The following CAMSAP3 variants were observed in gnomAD, a reference collection of about 807,000 sequenced individuals.
The protein encoded by CAMSAP3 is calmodulin regulated spectrin associated protein family member 3.
In CAMSAP3, 34 loss-of-function variants were observed where a neutral mutation model predicts 112.5. That is an observed-to-expected ratio of 0.30 (90% CI 0.23 to 0.40). The LOEUF (loss-of-function observed/expected upper bound fraction) is 0.40, where lower values mean the gene tolerates loss of function less well. Among genes scored for constraint, CAMSAP3 ranks in the 10% least tolerant of loss-of-function variants. The pLI, the probability that CAMSAP3 is intolerant of heterozygous loss-of-function variation, is 1.00. For synonymous variants in CAMSAP3, 868 were observed against 799.8 expected, an observed-to-expected ratio of 1.09 and a Z score of -1.44; for missense variants, 1,602 against 1,770.3, an observed-to-expected ratio of 0.90 and a Z score of 1.71.
At chr19:7,597,723 G>A (rs1448115208) in intron 1 of CAMSAP3, among the ~76,000 whole-genome samples, 4 of 152,208 alleles carry the variant, frequency 2.6e-5, no homozygotes, top group Non-Finnish European at 5.9e-5. Context: ...TGTGATTGGC[G>A]GTGGTATATT....
Position 7,615,619 on chromosome 19 carries a change from G to T in CAMSAP3, c.3012G>T (p.Gly1004=). 1 of 1,450,336 alleles carries T rather than the reference G, an allele frequency of 6.9e-7. No homozygotes were observed. Among genetic ancestry groups the T allele is most frequent in the East Asian group, 2.6e-5 (1 of 37,774 alleles). The allele number at this position is 1,450,336 out of a possible 1,614,324, so 89.8% of individuals were successfully genotyped here. A position where few individuals can be genotyped will look rare whatever the true frequency, so the allele number is the denominator to read the frequency against. The change falls in exon 13 of 17, where the codon GGG becomes GGT. Residue 1004 remains glycine (G), a synonymous_variant. Transcript: ENST00000160298. The surrounding 1 kb of genome is among the most constrained non-coding windows in gnomAD (Gnocchi z 6.5). The stretch of plus-strand genomic sequence containing the variant: ...AGGTGCTGCGGCCCCGGGCTGCGGG[G>T]TCCGGGGGTCCAGGTCGGGGCGGGC... ...LDKVLRPRAA[G]SGGPGRGGRR...
rs772075962 is a variant in CAMSAP3, at chr19:7,611,197, CG to C, written c.1123+34del. ...AGGAGGGGGTAGGTGGCTTCTGTCACGGGGGACCCCCCCACTCACAGACTGC... is the reference window on the plus strand; with the variant it reads ...AGGAGGGGGTAGGTGGCTTCTGTCACGGGGACCCCCCCACTCACAGACTGC... On this transcript the variant is annotated intron_variant, in intron 9 of 16. Transcript: ENST00000160298. The surrounding 1 kb of genome is among the most constrained non-coding windows in gnomAD (Gnocchi z 6.9). 3 of 1,608,964 alleles carry C rather than the reference CG, an allele frequency of 1.9e-6. No homozygotes were observed. The highest frequency in any genetic ancestry group is 2.5e-6 in the Non-Finnish European group (3 of 1,176,586).
intron 1 of CAMSAP3, among the ~76,000 whole-genome samples, chr19:7,604,647 C>G (rs531350383): frequency 6.6e-6 from 1 of 151,964 alleles, no homozygotes; most frequent in Admixed American, 6.6e-5. Context: ...CTCATCCCCC[C>G]CTGCCTGCAA....
intron 1 of CAMSAP3, among the ~76,000 whole-genome samples, chr19:7,603,582 T>C (rs2030065940): frequency 1.3e-5 from 2 of 152,170 alleles, no homozygotes; most frequent in South Asian, 4.1e-4. Flanking sequence ...CACAGTGGCT[T>C]ACCCCTATAA....
At chr19:7,603,933 A>G (rs2030081600) in intron 1 of CAMSAP3, among the ~76,000 whole-genome samples, 1 of 152,170 alleles carries the variant, frequency 6.6e-6, no homozygotes, top group African/African-American at 2.4e-5. Context: ...TCAGGAGTTC[A>G]AGACCAGCCT....
chr19:7,605,716 C>T lies in CAMSAP3; in HGVS notation c.402+237C>T, dbSNP rs141439699. ...GCCTAGTTCCTCCCACGAGGTCTGG[C>T]TCCTCCCCTCAAGCGCTATCCATTA... On this transcript the variant is annotated intron_variant, in intron 2 of 16. Coordinates refer to ENST00000160298, the MANE Select transcript of CAMSAP3 (RefSeq NM_020902.2). Among the ~76,000 whole-genome samples the T allele has an allele frequency of 3.4e-4, 52 of 151,218 alleles. No homozygotes were observed. The East Asian group carries it at 9.1e-3, about 27-fold the overall frequency.
At position 7,612,289 on chromosome 19, in the gene CAMSAP3, A is replaced by T; in HGVS notation, c.1796A>T (p.Glu599Val). The T allele has an allele frequency of 6.2e-7, 1 of 1,602,366 alleles. No homozygotes were observed. Among genetic ancestry groups the T allele is most frequent in the Non-Finnish European group, 8.5e-7 (1 of 1,175,434 alleles). The change falls in exon 11 of 17, where the codon GAG becomes GTG. Residue 599 changes from glutamate to valine, a missense_variant. This residue lies in a region of CAMSAP3 where 1,100 missense variants were observed against 1,135.7 expected (regional missense o/e 0.97). Coordinates refer to ENST00000160298, the MANE Select transcript of CAMSAP3 (RefSeq NM_020902.2). Reference sequence around the variant, plus strand: ...GCCCCGCCGGAGGCCCTGAGCTCGGAGATGAGTGAGCTCAGCGCCCGGCTG... The same window carrying T: ...GCCCCGCCGGAGGCCCTGAGCTCGGTGATGAGTGAGCTCAGCGCCCGGCTG... The part of the protein sequence containing the change: ...TPAPPEALSS[E>V]MSELSARLEE...
Position 7,611,381 on chromosome 19 carries a change from C to T in CAMSAP3, c.1124-136C>T. On this transcript the variant is annotated intron_variant, in intron 9 of 16. Coordinates refer to ENST00000160298, the MANE Select transcript of CAMSAP3 (RefSeq NM_020902.2). This position sits in a 1 kb window ranked among gnomAD's most constrained non-coding sequence, Gnocchi z 6.9. ...GGCCCCGGGTATCTGTTTCTGGAAA[C>T]CTCTGGTCTCACTAGACCACATAAT... 1.1e-6 allele frequency: 1 copy of T among 941,666 alleles called. No individual in the cohort carries two copies. The highest frequency in any genetic ancestry group is 2.7e-5 in the Admixed American group (1 of 37,444). The allele number at this position is 941,666 out of a possible 1,614,324, so 58.3% of individuals were successfully genotyped here.
At position 7,610,241 on chromosome 19, in the gene CAMSAP3, C is replaced by T. The variant is rs190595878; in HGVS notation, c.761-235C>T. ...GCTGAGGTGGGAGAATCACTTGAAC[C>T]CGGGAGGCAGAGGTTGCAGTGAGCT... On this transcript the variant is annotated intron_variant, in intron 5 of 16. Coordinates refer to ENST00000160298, the MANE Select transcript of CAMSAP3 (RefSeq NM_020902.2). The surrounding 1 kb of genome is among the most constrained non-coding windows in gnomAD (Gnocchi z 4.9). Among the ~76,000 whole-genome samples the T allele has an allele frequency of 1.8e-4, 28 of 151,928 alleles. No homozygotes were observed. The highest frequency in any genetic ancestry group is 6.6e-4 in the Admixed American group (10 of 15,254).
In CAMSAP3 at chr19:7,606,281, T is replaced by C. The variant is rs770665449; in HGVS notation, c.413T>C (p.Leu138Pro). The C allele has an allele frequency of 6.2e-7, 1 of 1,612,396 alleles. No homozygotes were observed. ...RHQPILMGAH[L>P]AVIDALMAAF... is the part of the protein sequence containing the mutation. ...CGCTTGCCCCCACAGGGAGCCCACC[T>C]AGCTGTCATTGATGCCCTCATGGCT... is the stretch of plus-strand genomic sequence containing the variant. The change falls in exon 3 of 17, where the codon CTA becomes CCA. Residue 138 changes from leucine (L) to proline (P), a missense_variant. Leu to Pro is a moderately conservative substitution (Grantham distance 98). Transcript: ENST00000160298.
Position 7,615,163 on chromosome 19 carries a change from G to A in CAMSAP3, c.2671-20G>A. 1 of 1,553,706 alleles carries A rather than the reference G, an allele frequency of 6.4e-7. No individual in the cohort carries two copies. The highest frequency in any genetic ancestry group is 2.4e-5 in the East Asian group (1 of 41,244). On this transcript the variant is annotated intron_variant, in intron 11 of 16. Transcript: ENST00000160298. This position sits in a 1 kb window ranked among gnomAD's most constrained non-coding sequence, Gnocchi z 6.5. ...TGTTGGGGGAGGGGGTGGCTGGCTG[G>A]ACTCGGCGTCTGTCCCCAGGATGAA...
At chr19:7,599,594 CCACCTACTCACCGCACT>C (rs2029865850) in intron 1 of CAMSAP3, among the ~76,000 whole-genome samples, 1 of 112,388 alleles carries the variant, frequency 8.9e-6, no homozygotes, top group Non-Finnish European at 1.8e-5. Flanking sequence ...ATCCACCCAC[CCACCTACTCACCGCACT>C]CATCCATCCA....
At position 7,615,474 on chromosome 19, in the gene CAMSAP3, C is replaced by G; in HGVS notation, c.2867C>G (p.Ala956Gly). The G allele has an allele frequency of 6.5e-7, 1 of 1,540,708 alleles. No homozygotes were observed. The highest frequency in any genetic ancestry group is 8.7e-7 in the Non-Finnish European group (1 of 1,145,962). The stretch of plus-strand genomic sequence containing the variant: ...CCGCTTGTGTCCGCAGTCCCGATGG[C>G]GACTCCAGCCCCTGCTGCCCGGGCT... ...PAPLVSAVPM[A>G]TPAPAARAPA... is the part of the protein sequence containing the mutation. Residue 956 changes from alanine (A) to glycine (G), a missense_variant, in exon 13 of 17, where the codon GCG becomes GGG. This residue lies in a region of CAMSAP3 where 1,100 missense variants were observed against 1,135.7 expected (regional missense o/e 0.97). Coordinates refer to ENST00000160298, the MANE Select transcript of CAMSAP3 (RefSeq NM_020902.2). This position sits in a 1 kb window ranked among gnomAD's most constrained non-coding sequence, Gnocchi z 6.5.
chr19:7,607,999 C>A lies in CAMSAP3; in HGVS notation c.622-127C>A. The A allele has an allele frequency of 1.7e-6, 2 of 1,204,182 alleles. No individual in the cohort carries two copies. The highest frequency in any genetic ancestry group is 1.3e-5 in the South Asian group (1 of 74,450). The allele number at this position is 1,204,182 out of a possible 1,614,324, so 74.6% of individuals were successfully genotyped here. A position where few individuals can be genotyped will look rare whatever the true frequency, so the allele number is the denominator to read the frequency against. ...CCTGCTCCAGGCTGGCCCCCCAACT[C>A]TGTCTCTGGGACCCCCAGCTTCCCG... is the stretch of plus-strand genomic sequence containing the variant. On this transcript the variant is annotated intron_variant, in intron 4 of 16. Transcript: ENST00000160298. This position sits in a 1 kb window ranked among gnomAD's most constrained non-coding sequence, Gnocchi z 4.9.
intron 5 of CAMSAP3, among the ~76,000 whole-genome samples, chr19:7,609,145 C>T (rs1416844741): frequency 6.6e-6 from 1 of 151,394 alleles, no homozygotes; most frequent in Non-Finnish European, 1.5e-5. Context: ...GATGGTGAAA[C>T]CGTCTCTACT....
At position 7,612,535 on chromosome 19, in the gene CAMSAP3, C is replaced by G. The variant is rs1414531004; in HGVS notation, c.2042C>G (p.Ala681Gly). ...GGTGAGCCAACCTCACGGCCCAAGG[C>G]AGTGACCTTCTCGCCAGACCTGGGC... ...GQGEPTSRPKAVTFSPDLGPV... is the reference protein window; with the variant it reads ...GQGEPTSRPKGVTFSPDLGPV... The change falls in exon 11 of 17, where the codon GCA (alanine) becomes GGA (glycine). Residue 681 changes from alanine (A) to glycine (G), a missense_variant. By Grantham distance (60) the Ala-to-Gly change is moderately conservative (BLOSUM62 0). Transcript: ENST00000160298. 2 of 1,537,446 alleles carry G rather than the reference C, an allele frequency of 1.3e-6. No individual in the cohort carries two copies. Among genetic ancestry groups the G allele is most frequent in the Non-Finnish European group, 1.7e-6 (2 of 1,145,642 alleles).
At chr19:7,596,262 C>T (rs1211322001) in intron 1 of CAMSAP3, 112 bp downstream of exon 1, 1 of 476,706 alleles carries the variant, frequency 2.1e-6, no homozygotes, top group Non-Finnish European at 2.8e-6. Flanking sequence ...ACAATAGCGC[C>T]GGCCGCCGGG....
intron 1 of CAMSAP3, among the ~76,000 whole-genome samples, chr19:7,602,158 T>C (rs565158719): frequency 7.8e-4 from 119 of 152,328 alleles, no homozygotes; most frequent in Admixed American, 2.0e-3. Context: ...TTTGGCAGTG[T>C]CTGGGGACAT....
At position 7,612,953 on chromosome 19, in the gene CAMSAP3, G is replaced by C. The variant is rs749210135; in HGVS notation, c.2460G>C (p.Val820=). 1 of 1,607,404 alleles carries C rather than the reference G, an allele frequency of 6.2e-7. No individual in the cohort carries two copies. Among genetic ancestry groups the C allele is most frequent in the Non-Finnish European group, 8.5e-7 (1 of 1,178,498 alleles). ...AGTTCTCGCCGAGCCAGGTGCCCGT[G>C]CAGACGCGCTCTTCCATCCTCCTGG... ...LRKFSPSQVP[V]QTRSSILLAE... Residue 820 remains valine (V), a synonymous_variant, in exon 11 of 17, where the codon GTG becomes GTC. Coordinates refer to ENST00000160298, the MANE Select transcript of CAMSAP3 (RefSeq NM_020902.2).
Sources: gnomAD v4.1 joint callset for allele counts (sites outside exome capture counted in the v4.1 genomes callset) on GRCh38, gnomAD v4.1.1 for gene constraint, gnomAD v4.1.1 regional missense constraint, Gnocchi (gnomAD v3.1) non-coding constraint, MANE v1.5 for transcripts, NCBI Gene and HGNC (gene_info 2026-07-23, HGNC 2026-07-21) for gene names.